Variants in RPH3A observed in about 807,000 individuals in gnomAD.
RPH3A encodes rabphilin-3A.
A neutral mutation model predicts 102.2 loss-of-function variants in RPH3A; 48 were observed. The ratio of observed to expected loss-of-function variants is 0.47; its 90% CI spans 0.37 to 0.60. The LOEUF (loss-of-function observed/expected upper bound fraction) is 0.60. RPH3A is among the 20% of genes least tolerant of loss of function. The pLI is 0.00. For missense variants in RPH3A, 781 were observed against 910.1 expected (o/e 0.86, Z 1.83); for synonymous variants, 310 against 324.3 (o/e 0.96, Z 0.47).
At chr12:112,663,111 A>C (rs1419744420) in intron 1 of RPH3A, among the ~76,000 whole-genome samples, 1 of 151,430 alleles carries the variant, frequency 6.6e-6, no homozygotes, top group Admixed American at 6.6e-5. Context: ...AGAGAGCGAG[A>C]GAGAGAGAGA....
At position 112,591,889 on chromosome 12, in the gene RPH3A, C is replaced by T. The variant is rs143123470; in HGVS notation, c.-140+16570C>T. Among the ~76,000 whole-genome samples the T allele has an allele frequency of 2.1e-4, 32 of 152,288 alleles. No homozygotes were observed. In the East Asian group the frequency reaches 5.4e-3, roughly 26 times the overall value. ...GGTCATCCAGTTAAAAACTTCCTGG[C>T]AATCGTCCCTCAGTATCCCCGGGGT... On this transcript the variant is annotated intron_variant, in intron 1 of 21. Coordinates refer to the RPH3A transcript ENST00000543106.
intron 5 of RPH3A, among the ~76,000 whole-genome samples, chr12:112,856,458 C>A (rs1036590521): frequency 6.7e-6 from 1 of 150,254 alleles, no homozygotes; most frequent in Non-Finnish European, 1.5e-5. Flanking sequence ...TGTATTCTTG[C>A]ATGTAGGTTC....
chr12:112,776,701 C>T (rs575247809), intron 1 of RPH3A, among the ~76,000 whole-genome samples: 3 of 151,660 alleles, frequency 2.0e-5, no homozygotes, highest in African/African-American at 7.3e-5. Flanking sequence ...GGTGAAACCC[C>T]GTCTCTACTG....
At chr12:112,707,818 T>C (rs1477429181) in intron 1 of RPH3A, among the ~76,000 whole-genome samples, 1 of 152,242 alleles carries the variant, frequency 6.6e-6, no homozygotes, top group Non-Finnish European at 1.5e-5. Flanking sequence ...CCAGGCCCAT[T>C]GCCTGATGTG....
At chr12:112,703,077 T>C (rs2040405604) in intron 1 of RPH3A, among the ~76,000 whole-genome samples, 1 of 152,154 alleles carries the variant, frequency 6.6e-6, no homozygotes, top group Admixed American at 6.5e-5. Flanking sequence ...AGCAGGGATG[T>C]GCCAGTTCTG....
chr12:112,590,747 C>T (rs2039470875), intron 1 of RPH3A, among the ~76,000 whole-genome samples: 1 of 152,202 alleles, frequency 6.6e-6, no homozygotes, highest in Non-Finnish European at 1.5e-5. Context: ...TTCCACTTCT[C>T]TTAAAATCTA....
At chr12:112,684,655 T>G (rs1461347683) in intron 1 of RPH3A, among the ~76,000 whole-genome samples, 1 of 152,208 alleles carries the variant, frequency 6.6e-6, no homozygotes, top group Non-Finnish European at 1.5e-5. Flanking sequence ...AAATACAAAT[T>G]TATATGGCTA....
chr12:112,703,256 T>C (rs944630374), intron 1 of RPH3A, among the ~76,000 whole-genome samples: 2 of 152,212 alleles, frequency 1.3e-5, no homozygotes, highest in Admixed American at 6.5e-5. Flanking sequence ...GTGTGAATAA[T>C]AAACTTTTAT....
chr12:112,869,226 A>T (rs2136225823), intron 8 of RPH3A: 1 of 154,574 alleles, frequency 6.5e-6, no homozygotes, highest in East Asian at 1.9e-4. Context: ...CAATAATTTC[A>T]ATTGATGCTA....
chr12:112,850,099 C>T (rs977059743), intron 5 of RPH3A, among the ~76,000 whole-genome samples: 1 of 152,172 alleles, frequency 6.6e-6, no homozygotes, highest in African/African-American at 2.4e-5. Flanking sequence ...GCTGGGGTTG[C>T]ACAGTCAGGG....
At chr12:112,598,078 G>A (rs773299533) in intron 1 of RPH3A, among the ~76,000 whole-genome samples, 2 of 152,196 alleles carry the variant, frequency 1.3e-5, no homozygotes, top group Admixed American at 6.5e-5. Flanking sequence ...ATTCCATGAA[G>A]CACTAGTAGG....
chr12:112,584,389 C>A (rs577175813), intron 1 of RPH3A, among the ~76,000 whole-genome samples: 1 of 152,158 alleles, frequency 6.6e-6, no homozygotes, highest in Non-Finnish European at 1.5e-5. Flanking sequence ...CGCTCCAGGG[C>A]CCCGGAAGTT....
At chr12:112,817,023 G>T (rs753975624) in intron 2 of RPH3A, among the ~76,000 whole-genome samples, 1 of 152,138 alleles carries the variant, frequency 6.6e-6, no homozygotes, top group South Asian at 2.1e-4. Flanking sequence ...GTGTTGGAAG[G>T]TAAGTAAACT....
At chr12:112,727,511 C>T (rs1477104302) in intron 1 of RPH3A, among the ~76,000 whole-genome samples, 26 of 109,988 alleles carry the variant, frequency 2.4e-4, no homozygotes, top group African/African-American at 7.7e-4. Flanking sequence ...CCCCCACACA[C>T]ATATATATAT....
At chr12:112,592,428 T>C (rs914328160) in intron 1 of RPH3A, among the ~76,000 whole-genome samples, 1 of 152,166 alleles carries the variant, frequency 6.6e-6, no homozygotes, top group Non-Finnish European at 1.5e-5. Flanking sequence ...AAGCGGCTCT[T>C]CTGCCTCAGC....
chr12:112,826,927 T>C (rs1433769344), intron 2 of RPH3A, among the ~76,000 whole-genome samples: 1 of 152,188 alleles, frequency 6.6e-6, no homozygotes, highest in African/African-American at 2.4e-5. Flanking sequence ...CATAAGCACT[T>C]TTTTCTTGGG....
rs115031526 is a variant in RPH3A at position 112,692,034 on chromosome 12, G to A, written c.-139-100109G>A. On this transcript the variant is annotated intron_variant, in intron 1 of 21. Transcript: ENST00000543106. ...TTCTGTCATTTGAAGTGAAATGGATGGAACCGGAGGGTACTATGTTAAGTG... is the reference window on the plus strand; with the variant it reads ...TTCTGTCATTTGAAGTGAAATGGATAGAACCGGAGGGTACTATGTTAAGTG... Among the ~76,000 whole-genome samples, 179 of 152,318 alleles carry A rather than the reference G, an allele frequency of 1.2e-3. 1 individual carries two copies. The highest frequency in any genetic ancestry group is 4.0e-3 in the African/African-American group (166 of 41,566).
chr12:112,833,721 T>G (rs576120496), intron 3 of RPH3A, among the ~76,000 whole-genome samples: 1 of 143,178 alleles, frequency 7.0e-6, no homozygotes, highest in African/African-American at 2.8e-5. Context: ...CACAGTTTGA[T>G]AATTTCATGT....
At chr12:112,711,142 C>A (rs1221156119) in intron 1 of RPH3A, among the ~76,000 whole-genome samples, 1 of 152,174 alleles carries the variant, frequency 6.6e-6, no homozygotes, top group Non-Finnish European at 1.5e-5. Flanking sequence ...TCTGTACACA[C>A]CCTGCATCTG....
Sources: allele counts gnomAD v4.1 joint callset (sites outside exome capture counted in the v4.1 genomes callset), GRCh38; gene constraint gnomAD v4.1.1; transcripts MANE v1.5; gene names NCBI Gene and HGNC (gene_info 2026-07-23, HGNC 2026-07-21).